Variants in GALK2 observed in about 807,000 individuals in gnomAD.
The protein encoded by GALK2 is N-acetylgalactosamine kinase.
GALK2 carries 36 observed loss-of-function variants against 52.4 expected under a neutral mutation model. The observed-to-expected ratio is 0.69, with a 90% CI of 0.53 to 0.91. The LOEUF is 0.91. Among genes scored for constraint, GALK2 ranks in the 40% least tolerant of loss-of-function variants. The pLI is 0.00. For missense variants in GALK2, 579 were observed against 559.1 expected (o/e 1.04, Z -0.36); for synonymous variants, 176 against 199.1 (o/e 0.88, Z 0.98).
rs762577466 is a variant in GALK2, at chr15:49,210,971, ACT to A, written c.143-6217_143-6216del. 4.5e-3 allele frequency among the ~76,000 whole-genome samples: 423 copies of A among 93,872 alleles called. 3 individuals are homozygous for A. Among genetic ancestry groups the A allele is most frequent in the South Asian group, 9.8e-3 (30 of 3,072 alleles). 61.6% of individuals were successfully genotyped at this position (93,872 alleles called of 152,430 possible). A position where few individuals can be genotyped will look rare whatever the true frequency, so the allele number is the denominator to read the frequency against. On this transcript the variant is annotated intron_variant, in intron 2 of 9. Transcript: ENST00000560031. ...AATGTTGGCTGTCACACACACACAC[ACT>A]CACACACACACACACACACACACAC... is the stretch of plus-strand genomic sequence containing the variant.
upstream of GALK2, among the ~76,000 whole-genome samples, chr15:49,165,802 T>C: frequency 6.9e-6 from 1 of 144,726 alleles, no homozygotes. Flanking sequence ...ATGTATTTCT[T>C]TTTTTTTTTT....
chr15:49,210,437 T>TTTA (rs1188210525), intron 2 of GALK2, among the ~76,000 whole-genome samples: 1 of 151,502 alleles, frequency 6.6e-6, no homozygotes, highest in African/African-American at 2.4e-5. Context: ...TTTATTTTAT[T>TTTA]TTATTATTAT....
intron 3 of GALK2, among the ~76,000 whole-genome samples, chr15:49,230,607 G>A (rs1566960043): frequency 6.6e-6 from 1 of 152,110 alleles, no homozygotes; most frequent in Admixed American, 6.6e-5. Flanking sequence ...CTGTGCCTCC[G>A]ACTTCATATT....
At chr15:49,211,373 A>G (rs2088872310) in intron 2 of GALK2, among the ~76,000 whole-genome samples, 1 of 152,102 alleles carries the variant, frequency 6.6e-6, no homozygotes, top group African/African-American at 2.4e-5. Context: ...TTTGGACACA[A>G]CCATTCAACA....
chr15:49,232,187 C>T lies in GALK2; in HGVS notation c.267-3664C>T, dbSNP rs201268769. On this transcript the variant is annotated intron_variant, in intron 3 of 9. Transcript: ENST00000560031. The stretch of plus-strand genomic sequence containing the variant: ...GAGGCTCCCGAAGCCTTAACTCTTG[C>T]ACTCTGAACATTGGCAGGCTAAACA... 4.9e-3 allele frequency among the ~76,000 whole-genome samples: 743 copies of T among 152,342 alleles called. 7 individuals are homozygous for T. Among genetic ancestry groups the T allele is most frequent in the African/African-American group, 0.017 (706 of 41,576 alleles).
intron 5 of GALK2, among the ~76,000 whole-genome samples, chr15:49,262,314 G>A (rs924560283): frequency 1.4e-4 from 21 of 152,254 alleles, no homozygotes; most frequent in Admixed American, 3.3e-4. Context: ...TATGTGTCGA[G>A]GAATTTATCC....
intron 3 of GALK2, among the ~76,000 whole-genome samples, chr15:49,220,677 G>A (rs1274659995): frequency 6.6e-6 from 1 of 152,118 alleles, no homozygotes; most frequent in Non-Finnish European, 1.5e-5. Flanking sequence ...TATAATGGCT[G>A]CACTAATTAC....
chr15:49,282,982 A>G (rs1324547409), intron 6 of GALK2, among the ~76,000 whole-genome samples: 2 of 152,134 alleles, frequency 1.3e-5, no homozygotes, highest in Admixed American at 6.6e-5. Flanking sequence ...GGCTTACAAA[A>G]CACTTCACCA....
intron 1 of GALK2, chr15:49,178,532 C>T: frequency 7.3e-6 from 2 of 272,394 alleles, no homozygotes; most frequent in South Asian, 9.5e-5. Flanking sequence ...GCATTTTCGG[C>T]CACCATGGTG....
Position 49,294,200 on chromosome 15 carries a change from C to G in GALK2, c.967+1663C>G, listed in dbSNP as rs114383496. Among the ~76,000 whole-genome samples, 697 of 150,838 alleles carry G rather than the reference C, an allele frequency of 4.6e-3. 7 individuals carry two copies. Among genetic ancestry groups the G allele is most frequent in the African/African-American group, 0.016 (665 of 41,218 alleles). On this transcript the variant is annotated intron_variant, in intron 8 of 9. Coordinates refer to ENST00000560031, the MANE Select transcript of GALK2 (RefSeq NM_002044.4). ...ATAAATAAATAAGCAAGCAAGCAAG[C>G]TAGCCAGCTTAACTAAGGAGTTAGC...
At chr15:49,299,340 T>C (rs2034762576) in intron 8 of GALK2, among the ~76,000 whole-genome samples, 1 of 152,128 alleles carries the variant, frequency 6.6e-6, no homozygotes, top group Non-Finnish European at 1.5e-5. Context: ...AGAACTAGTT[T>C]TGGTTTCGTT....
chr15:49,295,346 T>G (rs116000408), intron 8 of GALK2, among the ~76,000 whole-genome samples: 1,680 of 143,210 alleles, frequency 0.012, 38 homozygotes, highest in African/African-American at 0.046. Flanking sequence ...TATATATATA[T>G]AGATAGATAG....
chr15:49,249,961 A>G (rs2091517196), intron 5 of GALK2, among the ~76,000 whole-genome samples: 1 of 152,158 alleles, frequency 6.6e-6, no homozygotes, highest in East Asian at 1.9e-4. Context: ...AAAAGTTCTA[A>G]GTTGCTAGCC....
intron 7 of GALK2, among the ~76,000 whole-genome samples, chr15:49,286,513 G>A (rs1019723991): frequency 9.9e-5 from 15 of 152,144 alleles, no homozygotes; most frequent in African/African-American, 3.6e-4. Flanking sequence ...TATACTGAAC[G>A]AGGAAAATAA....
At chr15:49,334,252 G>A (rs1028352484), downstream of GALK2, 3 of 984,164 alleles carry the variant, frequency 3.0e-6, no homozygotes, top group South Asian at 4.7e-5. Context: ...TCCTGCTGCT[G>A]TTTTAGAAGT....
intron 7 of GALK2, 107 bp downstream of exon 7, chr15:49,283,825 T>C: frequency 2.7e-6 from 3 of 1,104,386 alleles, no homozygotes; most frequent in Non-Finnish European, 2.6e-6. Flanking sequence ...GGCAACATTC[T>C]GACTGCACAG....
intron 3 of GALK2, among the ~76,000 whole-genome samples, chr15:49,337,740 A>T (rs139722536): frequency 1.3e-5 from 2 of 151,468 alleles, no homozygotes; most frequent in Non-Finnish European, 2.9e-5. Flanking sequence ...TCATTGTTCA[A>T]TTCCCACTTA....
intron 8 of GALK2, among the ~76,000 whole-genome samples, chr15:49,297,215 A>G (rs983318498): frequency 1.1e-4 from 17 of 152,082 alleles, no homozygotes; most frequent in African/African-American, 4.1e-4. Context: ...CTTGTTGGCC[A>G]TGTGTATGTC....
chr15:49,216,451 C>T (rs1385173198), intron 2 of GALK2, among the ~76,000 whole-genome samples: 1 of 152,200 alleles, frequency 6.6e-6, no homozygotes, highest in Non-Finnish European at 1.5e-5. Flanking sequence ...GGAATCTCTC[C>T]CCAAACTGCA....
Sources: gnomAD v4.1 joint callset for allele counts (sites outside exome capture counted in the v4.1 genomes callset) on GRCh38, gnomAD v4.1.1 for gene constraint, MANE v1.5 for transcripts, NCBI Gene and HGNC (gene_info 2026-07-23, HGNC 2026-07-21) for gene names.